The following CAB39 variants were observed in gnomAD, a reference collection of about 807,000 sequenced individuals.
CAB39 encodes the protein calcium binding protein 39.
A neutral mutation model predicts 40.0 loss-of-function variants in CAB39; 8 were observed. The observed-to-expected ratio is 0.20, with a 90% CI of 0.12 to 0.36. The LOEUF (loss-of-function observed/expected upper bound fraction) is 0.36. Among genes scored for constraint, CAB39 ranks in the 10% least tolerant of loss-of-function variants. The pLI is 1.00. For synonymous variants in CAB39, 156 were observed against 141.6 expected (o/e 1.10, Z -0.72); for missense variants, 270 against 401.1 (o/e 0.67, Z 2.79).
rs375006562 is a variant in CAB39, at chr2:230,780,141, T to G, written c.115-10731T>G. Among the ~76,000 whole-genome samples the G allele has an allele frequency of 4.6e-5, 7 of 152,222 alleles. No homozygotes were observed. The East Asian group carries it at 1.2e-3, about 25-fold the overall frequency. On this transcript the variant is annotated intron_variant, in intron 2 of 8. Transcript: ENST00000258418. ...GTACCTGAGTCAAAGCTAACCTCCTTTTTGTTTGGGAGCCCTTTCTCCAGT... is the reference window on the plus strand; with the variant it reads ...GTACCTGAGTCAAAGCTAACCTCCTGTTTGTTTGGGAGCCCTTTCTCCAGT...
chr2:230,771,735 G>A (rs780173469), intron 2 of CAB39, among the ~76,000 whole-genome samples: 5 of 152,186 alleles, frequency 3.3e-5, no homozygotes, highest in Non-Finnish European at 7.4e-5. Context: ...AAACAGTGTG[G>A]TGTCAGTGCA....
intron 2 of CAB39, among the ~76,000 whole-genome samples, 189 bp from the exon 3 acceptor site, chr2:230,790,683 G>A (rs1695878358): frequency 6.6e-6 from 1 of 152,196 alleles, no homozygotes; most frequent in African/African-American, 2.4e-5. Flanking sequence ...ATGCATGTTG[G>A]TCCCCATGTG....
intron 2 of CAB39, among the ~76,000 whole-genome samples, chr2:230,765,109 C>A (rs1357434176): frequency 6.6e-6 from 1 of 152,144 alleles, no homozygotes; most frequent in Non-Finnish European, 1.5e-5. Flanking sequence ...GCCTCAGCCT[C>A]CCAAGTAGCT....
chr2:230,796,594 G>A (rs903954254), intron 4 of CAB39, among the ~76,000 whole-genome samples: 2 of 152,056 alleles, frequency 1.3e-5, no homozygotes, highest in Admixed American at 6.6e-5. Flanking sequence ...TTTCCATCAA[G>A]TAAGAGCCGG....
chr2:230,715,450 A>G (rs1177054975), intron 1 of CAB39, among the ~76,000 whole-genome samples: 2 of 152,190 alleles, frequency 1.3e-5, no homozygotes, highest in African/African-American at 4.8e-5. Context: ...CTGCTATAGG[A>G]GTGAATGGAC....
Position 230,804,372 on chromosome 2 carries a change from A to G in CAB39, c.567+5475A>G, listed in dbSNP as rs1366575253. On this transcript the variant is annotated intron_variant, in intron 5 of 8. Coordinates refer to ENST00000258418, the MANE Select transcript of CAB39 (RefSeq NM_016289.4). ...CTTCATGACTAAAATACCAAAAGCA[A>G]TGGCAACAAAAGCCAAAATAGATAA... Among the ~76,000 whole-genome samples the G allele has an allele frequency of 3.9e-5, 6 of 152,244 alleles. No individual in the cohort carries two copies. In the South Asian group the frequency reaches 8.3e-4, roughly 21 times the overall value.
intron 2 of CAB39, among the ~76,000 whole-genome samples, chr2:230,767,545 G>C (rs1695409788): frequency 6.6e-6 from 1 of 152,172 alleles, no homozygotes; most frequent in Admixed American, 6.5e-5. Flanking sequence ...AGTAATTTCT[G>C]CAGGCAAATC....
At chr2:230,800,627 T>C (rs370148946) in intron 5 of CAB39, among the ~76,000 whole-genome samples, 1 of 151,288 alleles carries the variant, frequency 6.6e-6, no homozygotes, top group Non-Finnish European at 1.5e-5. Flanking sequence ...GATTCCCCTG[T>C]GTGGAAGGAC....
Position 230,713,000 on chromosome 2 carries a change from GAGCGCAGC to G in CAB39, c.-268_-261del, listed in dbSNP as rs904450660. ...CCACAGCAGCAGCCGCAGCCCAAGCGAGCGCAGCAGCGCGGCGGCAGCCGCGGGAGCCC... is the reference window on the plus strand; with the variant it reads ...CCACAGCAGCAGCCGCAGCCCAAGCGAGCGCGGCGGCAGCCGCGGGAGCCC... On this transcript the variant is annotated 5_prime_UTR_variant, in exon 1 of 9. Coordinates refer to ENST00000258418, the MANE Select transcript of CAB39 (RefSeq NM_016289.4). 2.0e-5 allele frequency: 3 copies of G among 150,886 alleles called. No homozygotes were observed. Among genetic ancestry groups the G allele is most frequent in the Non-Finnish European group, 3.0e-5 (2 of 67,562 alleles). The allele number at this position is 150,886 out of a possible 1,614,324, so 9.3% of individuals were successfully genotyped here.
At chr2:230,762,455 C>T (rs1406883054) in intron 2 of CAB39, among the ~76,000 whole-genome samples, 3 of 152,170 alleles carry the variant, frequency 2.0e-5, no homozygotes, top group Non-Finnish European at 4.4e-5. Context: ...GATAGCCCTA[C>T]AGGCTTTGCA....
intron 2 of CAB39, among the ~76,000 whole-genome samples, chr2:230,766,343 ATAAT>A (rs1194721893): frequency 3.3e-5 from 5 of 152,246 alleles, no homozygotes; most frequent in African/African-American, 1.2e-4. Context: ...AAAATACAAG[ATAAT>A]TAATGGGAAA....
intron 2 of CAB39, among the ~76,000 whole-genome samples, chr2:230,765,688 G>A (rs922312999): frequency 6.6e-6 from 1 of 152,028 alleles, no homozygotes; most frequent in African/African-American, 2.4e-5. Flanking sequence ...CCCTGAAGGG[G>A]ACACTTGTAA....
intron 5 of CAB39, among the ~76,000 whole-genome samples, chr2:230,799,576 T>C (rs1696049615): frequency 6.6e-6 from 1 of 152,272 alleles, no homozygotes; most frequent in Admixed American, 6.5e-5. Context: ...CAAGGTTCTA[T>C]GCTGTTTACA....
rs1474375708 is a variant in CAB39, at chr2:230,820,765, T to C, written c.*2061T>C. On this transcript the variant is annotated 3_prime_UTR_variant, in exon 9 of 9. Transcript: ENST00000258418. ...GAATCTGAAGGTAGTTCAGACTTCGTGGGTTTTGTTTTTAAGCAAAACAAT... is the reference window on the plus strand; with the variant it reads ...GAATCTGAAGGTAGTTCAGACTTCGCGGGTTTTGTTTTTAAGCAAAACAAT... The C allele has an allele frequency of 6.6e-6, 1 of 152,660 alleles. No homozygotes were observed. The highest frequency in any genetic ancestry group is 2.4e-5 in the African/African-American group (1 of 41,456). 9.5% of individuals were successfully genotyped at this position (152,660 alleles called of 1,614,324 possible). A position where few individuals can be genotyped will look rare whatever the true frequency, so the allele number is the denominator to read the frequency against.
In CAB39 at chr2:230,819,780, T is replaced by TA. The variant is rs1257020806; in HGVS notation, c.*1077dup. On this transcript the variant is annotated 3_prime_UTR_variant, in exon 9 of 9. Coordinates refer to ENST00000258418, the MANE Select transcript of CAB39 (RefSeq NM_016289.4). ...ACACCTTCCTGCATCCTATTGGCCTTATTCATTTTAAATGAGTTAATGAAT... is the reference window on the plus strand; with the variant it reads ...ACACCTTCCTGCATCCTATTGGCCTTAATTCATTTTAAATGAGTTAATGAAT... 2.0e-5 allele frequency: 3 copies of TA among 152,336 alleles called. No homozygotes were observed. The highest frequency in any genetic ancestry group is 7.2e-5 in the African/African-American group (3 of 41,460). The allele number at this position is 152,336 out of a possible 1,614,324, so 9.4% of individuals were successfully genotyped here.
At chr2:230,810,356 ATT>A in intron 6 of CAB39, 34 bp downstream of exon 6, 1 of 810,870 alleles carries the variant, frequency 1.2e-6, no homozygotes, top group Non-Finnish European at 1.9e-6. Context: ...TAAATAATAA[ATT>A]GTAACTTTTG....
intron 2 of CAB39, 112 bp from the exon 3 acceptor site, chr2:230,790,760 A>G: frequency 2.3e-6 from 2 of 870,000 alleles, no homozygotes; most frequent in Non-Finnish European, 3.6e-6. Flanking sequence ...TCTTGTTCAT[A>G]GGTCCATGGG....
chr2:230,771,800 A>G (rs964521186), intron 2 of CAB39, among the ~76,000 whole-genome samples: 1 of 152,234 alleles, frequency 6.6e-6, no homozygotes, highest in Non-Finnish European at 1.5e-5. Context: ...CTACACATGT[A>G]TGGAACATTG....
chr2:230,770,293 T>C (rs923160983), intron 2 of CAB39, among the ~76,000 whole-genome samples: 1 of 152,172 alleles, frequency 6.6e-6, no homozygotes, highest in Non-Finnish European at 1.5e-5. Context: ...ATTCCTGTAG[T>C]GACATTACCA....
Sources: allele counts gnomAD v4.1 joint callset (sites outside exome capture counted in the v4.1 genomes callset), GRCh38; gene constraint gnomAD v4.1.1; transcripts MANE v1.5; gene names NCBI Gene and HGNC (gene_info 2026-07-23, HGNC 2026-07-21).